FGL1: variants seen among roughly 807,000 people sequenced by gnomAD.
FGL1 encodes the protein fibrinogen like 1.
A neutral mutation model predicts 43.7 loss-of-function variants in FGL1; 59 were observed. The ratio of observed to expected loss-of-function variants is 1.35; its 90% CI spans 1.10 to 1.68. The LOEUF (loss-of-function observed/expected upper bound fraction) is 1.68. FGL1 is among the 40% of genes most tolerant of loss of function. The probability of loss-of-function intolerance (pLI) is 0.00; values close to 1 mark genes in which losing one functional copy is unlikely to be tolerated. For synonymous variants in FGL1, 192 were observed against 126.5 expected (o/e 1.52, Z -3.48); for missense variants, 596 against 373.0 (o/e 1.60, Z -4.92).
In FGL1 at chr8:17,874,020, T is replaced by C; in HGVS notation, c.501A>G (p.Gln167=). ...GNKNLHFLTT[Q]EDYTLKIDLA... is the part of the protein sequence containing the mutation. Reference sequence around the variant, plus strand: ...AATCTGACATCATTCAAACCTTACCTTGAGTGGTCAAGAAGTGAAGATTTT... The same window carrying C: ...AATCTGACATCATTCAAACCTTACCCTGAGTGGTCAAGAAGTGAAGATTTT... Residue 167 remains glutamine (Q), a splice_region_variant and synonymous_variant, in exon 5 of 8, where the codon CAA becomes CAG. Transcript: ENST00000427924. 1.3e-6 allele frequency: 2 copies of C among 1,596,942 alleles called. No homozygotes were observed. The highest frequency in any genetic ancestry group is 8.5e-7 in the Non-Finnish European group (1 of 1,174,208).
At chr8:17,883,461 A>G (rs1432185939) in intron 2 of FGL1, among the ~76,000 whole-genome samples, 1 of 126,226 alleles carries the variant, frequency 7.9e-6, no homozygotes, top group Non-Finnish European at 1.5e-5. Flanking sequence ...TAGATATTAT[A>G]TAATATATAA....
At chr8:17,880,869 T>C (rs2053523945) in intron 3 of FGL1, among the ~76,000 whole-genome samples, 1 of 152,240 alleles carries the variant, frequency 6.6e-6, no homozygotes, top group Admixed American at 6.5e-5. Context: ...GTTGCCAGTT[T>C]AAAATCATTT....
At chr8:17,876,322 C>T (rs559249959) in intron 3 of FGL1, among the ~76,000 whole-genome samples, 1 of 151,940 alleles carries the variant, frequency 6.6e-6, no homozygotes, top group Admixed American at 6.6e-5. Context: ...ATATATTGCA[C>T]ATTAAGTAGG....
intron 7 of FGL1, among the ~76,000 whole-genome samples, chr8:17,866,470 C>A (rs1441862327): frequency 6.6e-6 from 1 of 152,190 alleles, no homozygotes; most frequent in South Asian, 2.1e-4. Flanking sequence ...TAGTCGAACT[C>A]ACTGATAGTA....
intron 3 of FGL1, among the ~76,000 whole-genome samples, chr8:17,880,876 A>G (rs1321969671): frequency 1.3e-5 from 2 of 152,240 alleles, no homozygotes; most frequent in African/African-American, 2.4e-5. Flanking sequence ...GTTTAAAATC[A>G]TTTAGTTTCT....
chr8:17,887,809 C>T (rs2053651408), intron 1 of FGL1, among the ~76,000 whole-genome samples: 1 of 149,310 alleles, frequency 6.7e-6, no homozygotes, highest in South Asian at 2.1e-4. Flanking sequence ...CACTCCAGCC[C>T]AGGTGACAGT....
chr8:17,892,042 T>C (rs548051124), intron 1 of FGL1, among the ~76,000 whole-genome samples: 1 of 152,164 alleles, frequency 6.6e-6, no homozygotes, highest in African/African-American at 2.4e-5. Flanking sequence ...TCATAATAAG[T>C]TTTTAGTTTG....
At chr8:17,891,144 T>C (rs1334962462) in intron 1 of FGL1, 1 of 152,218 alleles carries the variant, frequency 6.6e-6, no homozygotes, top group Non-Finnish European at 1.5e-5. Flanking sequence ...CTATTATGTA[T>C]ACTGCCCTAA....
intron 1 of FGL1, among the ~76,000 whole-genome samples, chr8:17,889,125 A>G (rs1318708706): frequency 6.6e-6 from 1 of 152,204 alleles, no homozygotes; most frequent in East Asian, 1.9e-4. Flanking sequence ...CAAGGCTGCA[A>G]TATTACTTAC....
intron 2 of FGL1, among the ~76,000 whole-genome samples, chr8:17,882,956 T>C (rs1330162570): frequency 3.0e-5 from 3 of 101,256 alleles, no homozygotes; most frequent in African/African-American, 1.6e-4. Context: ...ATATATAATA[T>C]ATATCATATA....
At chr8:17,873,933 T>C in intron 5 of FGL1, 86 bp downstream of exon 5, 1 of 831,906 alleles carries the variant, frequency 1.2e-6, no homozygotes, top group Non-Finnish European at 1.8e-6. Flanking sequence ...ATTGAATTAG[T>C]TCCATTGCCT....
chr8:17,892,082 T>C (rs2053713408), intron 1 of FGL1, among the ~76,000 whole-genome samples: 1 of 152,200 alleles, frequency 6.6e-6, no homozygotes, highest in Non-Finnish European at 1.5e-5. Flanking sequence ...AATAAATATG[T>C]TTTTTGAGCA....
chr8:17,890,901 C>A (rs1166343048), intron 1 of FGL1, among the ~76,000 whole-genome samples: 5 of 152,104 alleles, frequency 3.3e-5, no homozygotes, highest in Admixed American at 6.5e-5. Flanking sequence ...TTACCTTCCA[C>A]TGGGTCCATC....
chr8:17,878,898 A>G (rs1363246194), intron 3 of FGL1, among the ~76,000 whole-genome samples: 2 of 150,448 alleles, frequency 1.3e-5, no homozygotes, highest in Non-Finnish European at 3.0e-5. Context: ...TTTATACCAT[A>G]TTATATATAT....
intron 3 of FGL1, among the ~76,000 whole-genome samples, chr8:17,875,459 C>G (rs1350357859): frequency 1.3e-5 from 2 of 151,676 alleles, no homozygotes; most frequent in Non-Finnish European, 2.9e-5. Context: ...GTAGCTACCC[C>G]TTTGTCACCA....
At chr8:17,867,191 C>G (rs955543458) in intron 7 of FGL1, among the ~76,000 whole-genome samples, 4 of 152,110 alleles carry the variant, frequency 2.6e-5, no homozygotes, top group African/African-American at 9.7e-5. Context: ...ACAGATAATA[C>G]CAAATTCTAT....
chr8:17,864,854 G>A (rs2053246540), intron 7 of FGL1, 103 bp from the exon 8 acceptor site: 1 of 1,006,848 alleles, frequency 9.9e-7, no homozygotes, highest in Non-Finnish European at 1.3e-6. Context: ...TTTGAACTAT[G>A]AATTCTGCCA....
At chr8:17,881,902 T>C in intron 3 of FGL1, 97 bp downstream of exon 3, 3 of 999,500 alleles carry the variant, frequency 3.0e-6, no homozygotes, top group Non-Finnish European at 3.0e-6. Flanking sequence ...ATATTGCTTG[T>C]TACTGAAATA....
intron 2 of FGL1, among the ~76,000 whole-genome samples, chr8:17,883,510 TAA>T (rs2053581530): frequency 8.7e-6 from 1 of 114,314 alleles, no homozygotes; most frequent in African/African-American, 4.4e-5. Context: ...TATTTATATA[TAA>T]TATAATGTAA....
Sources: allele counts gnomAD v4.1 joint callset (sites outside exome capture counted in the v4.1 genomes callset), GRCh38; gene constraint gnomAD v4.1.1; transcripts MANE v1.5; gene names NCBI Gene and HGNC (gene_info 2026-07-23, HGNC 2026-07-21).